Variants in MCTP1 observed in about 807,000 individuals in gnomAD.
MCTP1 encodes the protein multiple C2 and transmembrane domain-containing protein 1.
Under a neutral mutation model 120.6 loss-of-function variants are expected in MCTP1, and 69 were observed. The ratio of observed to expected loss-of-function variants is 0.57; its 90% confidence interval spans 0.47 to 0.70. The LOEUF (loss-of-function observed/expected upper bound fraction) is 0.70. MCTP1 is among the 30% of genes least tolerant of loss of function. The pLI is 0.00. For synonymous variants in MCTP1, 529 were observed against 493.1 expected (o/e 1.07, Z -0.96); for missense variants, 1,203 against 1,248.8 (o/e 0.96, Z 0.55).
At chr5:94,745,434 G>A (rs2152772269) in intron 19 of MCTP1, among the ~76,000 whole-genome samples, 1 of 152,236 alleles carries the variant, frequency 6.6e-6, no homozygotes, top group African/African-American at 2.4e-5. Flanking sequence ...ACATATATTT[G>A]ACTTCTTTTA....
At chr5:94,776,722 G>T (rs1378259481) in intron 19 of MCTP1, among the ~76,000 whole-genome samples, 2 of 152,140 alleles carry the variant, frequency 1.3e-5, no homozygotes, top group African/African-American at 4.8e-5. Context: ...GAACACATTT[G>T]TTTTCTCATG....
intron 1 of MCTP1, among the ~76,000 whole-genome samples, chr5:95,223,459 A>C (rs1753910019): frequency 6.6e-6 from 1 of 152,132 alleles, no homozygotes; most frequent in Admixed American, 6.6e-5. Flanking sequence ...TCAAAAACAT[A>C]AATAAATAAA....
chr5:94,964,024 C>A (rs1825003778), intron 2 of MCTP1, among the ~76,000 whole-genome samples: 2 of 152,094 alleles, frequency 1.3e-5, no homozygotes, highest in South Asian at 2.1e-4. Flanking sequence ...TTCTTCTGCA[C>A]TATTCACTGA....
At position 95,276,465 on chromosome 5, in the gene MCTP1, C is replaced by A. The variant is rs186626599; in HGVS notation, c.720+7391G>T. ...TAGAGATGGGGTTTCACCATATTGG[C>A]CAGGCTGGTCTTGAACTCCTGACCT... On this transcript the variant is annotated intron_variant, in intron 1 of 22. Transcript: ENST00000515393. 6.6e-5 allele frequency among the ~76,000 whole-genome samples: 10 copies of A among 150,688 alleles called. No homozygotes were observed. In the East Asian group the frequency reaches 1.8e-3, roughly 27 times the overall value.
At chr5:94,813,914 C>T (rs895085381) in intron 17 of MCTP1, among the ~76,000 whole-genome samples, 3 of 152,164 alleles carry the variant, frequency 2.0e-5, no homozygotes, top group Admixed American at 6.6e-5. Context: ...AAAATCACCA[C>T]ACTAAGTGAA....
chr5:95,115,577 TAGTC>T (rs1221405283), intron 1 of MCTP1, among the ~76,000 whole-genome samples: 1 of 151,654 alleles, frequency 6.6e-6, no homozygotes, highest in African/African-American at 2.4e-5. Context: ...TATTTGAAAA[TAGTC>T]AGAGGAGACA....
At chr5:95,269,021 T>A (rs1759145280) in intron 1 of MCTP1, among the ~76,000 whole-genome samples, 1 of 152,234 alleles carries the variant, frequency 6.6e-6, no homozygotes, top group Non-Finnish European at 1.5e-5. Context: ...TTTACCAGCT[T>A]TGTGACCTTG....
intron 19 of MCTP1, among the ~76,000 whole-genome samples, chr5:94,720,660 A>G (rs759912467): frequency 1.3e-5 from 2 of 152,250 alleles, no homozygotes; most frequent in Non-Finnish European, 2.9e-5. Flanking sequence ...TATCTTCTTC[A>G]TACCTTCCTG....
At chr5:95,078,256 G>A (rs965020563) in intron 1 of MCTP1, among the ~76,000 whole-genome samples, 3 of 152,042 alleles carry the variant, frequency 2.0e-5, no homozygotes, top group Admixed American at 2.0e-4. Context: ...AATGTTTAGG[G>A]AATGAACAGA....
intron 14 of MCTP1, 140 bp downstream of exon 14, chr5:94,871,175 G>T: frequency 1.5e-6 from 1 of 683,956 alleles, no homozygotes; most frequent in Non-Finnish European, 2.6e-6. Context: ...CGTGAATTGA[G>T]TATGTTAAAA....
intron 19 of MCTP1, among the ~76,000 whole-genome samples, chr5:94,716,470 T>A (rs144857321): frequency 1.3e-5 from 2 of 152,298 alleles, no homozygotes; most frequent in African/African-American, 4.8e-5. Context: ...GGCTTTTTCC[T>A]GTTCCTTTCA....
Position 94,981,290 on chromosome 5 carries a change from T to C in MCTP1, c.839-27929A>G, listed in dbSNP as rs572057326. Among the ~76,000 whole-genome samples, 16 of 152,340 alleles carry C rather than the reference T, an allele frequency of 1.1e-4. No homozygotes were observed. In the South Asian group the frequency reaches 1.2e-3, roughly 12 times the overall value. ...CTTCCCAAGGGACACACTCTTTTTA[T>C]GCCTTCTGTCTTTTCTGTTAAACTT... is the stretch of plus-strand genomic sequence containing the variant. On this transcript the variant is annotated intron_variant, in intron 2 of 22. Coordinates refer to ENST00000515393, the MANE Select transcript of MCTP1 (RefSeq NM_024717.7).
At chr5:95,132,799 C>T (rs986062685) in intron 1 of MCTP1, among the ~76,000 whole-genome samples, 5 of 152,206 alleles carry the variant, frequency 3.3e-5, no homozygotes, top group Admixed American at 6.5e-5. Context: ...TATCACTGTG[C>T]ATGGTTACAT....
At chr5:94,822,926 CTT>C (rs1267967943) in intron 17 of MCTP1, among the ~76,000 whole-genome samples, 1 of 151,802 alleles carries the variant, frequency 6.6e-6, no homozygotes, top group Non-Finnish European at 1.5e-5. Context: ...TTTGTGTAGG[CTT>C]CTTATAGATT....
intron 1 of MCTP1, among the ~76,000 whole-genome samples, chr5:95,030,194 A>T (rs764018170): frequency 6.6e-6 from 1 of 152,196 alleles, no homozygotes; most frequent in Non-Finnish European, 1.5e-5. Context: ...GAAGCAGATC[A>T]CATACCTGTT....
chr5:94,818,153 G>A (rs1784879072), intron 17 of MCTP1, among the ~76,000 whole-genome samples: 1 of 152,174 alleles, frequency 6.6e-6, no homozygotes, highest in South Asian at 2.1e-4. Flanking sequence ...TGTCTAAGAT[G>A]AATGCTAACG....
At chr5:94,992,174 T>C (rs1482189602) in intron 2 of MCTP1, among the ~76,000 whole-genome samples, 8 of 152,106 alleles carry the variant, frequency 5.3e-5, no homozygotes, top group African/African-American at 1.9e-4. Flanking sequence ...TTGGAATATA[T>C]AATACTCACT....
intron 3 of MCTP1, among the ~76,000 whole-genome samples, chr5:94,949,587 A>C (rs1368315605): frequency 6.6e-6 from 1 of 152,166 alleles, no homozygotes; most frequent in Non-Finnish European, 1.5e-5. Context: ...TACTAGAAAT[A>C]GTACAAGCAC....
chr5:95,088,668 C>T (rs1755621812), intron 1 of MCTP1, among the ~76,000 whole-genome samples: 2 of 152,212 alleles, frequency 1.3e-5, no homozygotes, highest in African/African-American at 4.8e-5. Flanking sequence ...TACTTTATTT[C>T]ACTATTTTTA....
Sources: gnomAD v4.1 joint callset for allele counts (sites outside exome capture counted in the v4.1 genomes callset) on GRCh38, gnomAD v4.1.1 for gene constraint, MANE v1.5 for transcripts, NCBI Gene and HGNC (gene_info 2026-07-23, HGNC 2026-07-21) for gene names.